Variants in VEZF1 observed in about 807,000 individuals in gnomAD.
The protein encoded by VEZF1 is putative transcription factor DB1.
In VEZF1, 5 loss-of-function variants were observed where a neutral mutation model predicts 44.1. The ratio of observed to expected loss-of-function variants is 0.11; its 90% CI spans 0.06 to 0.24. The LOEUF (loss-of-function observed/expected upper bound fraction) is 0.24. VEZF1 is among the 10% of genes least tolerant of loss of function. VEZF1 has a pLI of 1.00. For synonymous variants in VEZF1, 236 were observed against 233.1 expected (o/e 1.01, Z -0.11); for missense variants, 358 against 641.8 (o/e 0.56, Z 4.78).
chr17:57,974,989 T>C, intron 5 of VEZF1, 89 bp from the exon 6 acceptor site: 1 of 1,381,788 alleles, frequency 7.2e-7, no homozygotes, highest in Non-Finnish European at 9.8e-7. Flanking sequence ...TCATTAAAAA[T>C]GTCAAACATT....
Position 57,983,401 on chromosome 17 carries a change from C to A in VEZF1, c.34-8G>T. The stretch of plus-strand genomic sequence containing the variant: ...ATGGGAAGCTTCATGGGCCTAAAAC[C>A]AAACATTTACACTTCAGAAACTCAG... On this transcript the variant is annotated splice_region_variant and splice_polypyrimidine_tract_variant and intron_variant, in intron 1 of 5. Transcript: ENST00000581208. 1 of 1,590,002 alleles carries A rather than the reference C, an allele frequency of 6.3e-7. No homozygotes were observed. The highest frequency in any genetic ancestry group is 1.1e-5 in the South Asian group (1 of 87,856).
In VEZF1 at chr17:57,973,407, G is replaced by A. The variant is rs2075156916; in HGVS notation, c.*1066C>T. On this transcript the variant is annotated 3_prime_UTR_variant, in exon 6 of 6. Coordinates refer to ENST00000581208, the MANE Select transcript of VEZF1 (RefSeq NM_007146.3). ...ATTTAAAAAAAGATACACTCTGCAT[G>A]TTCTGAAGGGGCATACACTACCTAG... 6.5e-6 allele frequency: 1 copy of A among 152,718 alleles called. No individual in the cohort carries two copies. The highest frequency in any genetic ancestry group is 3.4e-3 in the Middle Eastern group (1 of 294). 9.5% of individuals were successfully genotyped at this position (152,718 alleles called of 1,614,324 possible).
In VEZF1 at chr17:57,983,397, A is replaced by G; in HGVS notation, c.34-4T>C. The stretch of plus-strand genomic sequence containing the variant: ...GGTGATGGGAAGCTTCATGGGCCTA[A>G]AACCAAACATTTACACTTCAGAAAC... On this transcript the variant is annotated splice_region_variant and splice_polypyrimidine_tract_variant and intron_variant, in intron 1 of 5. Coordinates refer to ENST00000581208, the MANE Select transcript of VEZF1 (RefSeq NM_007146.3). The G allele has an allele frequency of 1.3e-6, 2 of 1,594,352 alleles. No individual in the cohort carries two copies. The highest frequency in any genetic ancestry group is 1.7e-6 in the Non-Finnish European group (2 of 1,174,350).
rs1348756428 is a variant in VEZF1 at position 57,972,092 on chromosome 17, ATAG to A, written c.*2378_*2380del. ...TAAGTGAATAAAGAATGCATACAAA[ATAG>A]TATTTTAACTGAAGTCATACAATGA... On this transcript the variant is annotated 3_prime_UTR_variant, in exon 6 of 6. Transcript: ENST00000581208. 6.6e-6 allele frequency: 1 copy of A among 152,652 alleles called. No individual in the cohort carries two copies. The allele number at this position is 152,652 out of a possible 1,614,324, so 9.5% of individuals were successfully genotyped here.
chr17:57,985,134 G>T, intron 1 of VEZF1: 2 of 569,920 alleles, frequency 3.5e-6, no homozygotes, highest in Non-Finnish European at 2.6e-6. Context: ...AATTTCAAAG[G>T]CTAACAGATC....
rs1167655819 is a variant in VEZF1, at chr17:57,973,771, A to G, written c.*702T>C. 1 of 152,156 alleles carries G rather than the reference A, an allele frequency of 6.6e-6. No homozygotes were observed. Among genetic ancestry groups the G allele is most frequent in the East Asian group, 1.9e-4 (1 of 5,190 alleles). The allele number at this position is 152,156 out of a possible 1,614,324, so 9.4% of individuals were successfully genotyped here. A position where few individuals can be genotyped will look rare whatever the true frequency, so the allele number is the denominator to read the frequency against. On this transcript the variant is annotated 3_prime_UTR_variant, in exon 6 of 6. Transcript: ENST00000581208. ...TTTTTTTTTTTTTAAAAAGTCAACTACAATGCTATATTCCATCGGGATTAA... is the reference window on the plus strand; with the variant it reads ...TTTTTTTTTTTTTAAAAAGTCAACTGCAATGCTATATTCCATCGGGATTAA...
intron 5 of VEZF1, among the ~76,000 whole-genome samples, chr17:57,978,153 AG>A (rs2075210450): frequency 6.6e-6 from 1 of 152,096 alleles, no homozygotes; most frequent in Admixed American, 6.5e-5. Context: ...CAGTGAGCCG[AG>A]ATCACGCCAC....
At position 57,979,987 on chromosome 17, in the gene VEZF1, A is replaced by C. The variant is rs886623377; in HGVS notation, c.976+616T>G. On this transcript the variant is annotated intron_variant, in intron 4 of 5. Coordinates refer to ENST00000581208, the MANE Select transcript of VEZF1 (RefSeq NM_007146.3). ...CTCCGTCTCAAAAAAAAAAAAAAAA[A>C]AAAACAAAAAAAACAGAAGTGAATG... Among the ~76,000 whole-genome samples, 35 of 151,640 alleles carry C rather than the reference A, an allele frequency of 2.3e-4. 1 individual carries two copies. In the East Asian group the frequency reaches 2.9e-3, roughly 13 times the overall value.
intron 5 of VEZF1, among the ~76,000 whole-genome samples, chr17:57,977,138 T>C (rs1356254320): frequency 6.6e-6 from 1 of 152,276 alleles, no homozygotes; most frequent in Admixed American, 6.5e-5. Flanking sequence ...TTTTTTGAGA[T>C]GGGGGTCTCA....
chr17:57,982,227 G>C (rs2075255745), intron 2 of VEZF1, among the ~76,000 whole-genome samples: 1 of 152,182 alleles, frequency 6.6e-6, no homozygotes, highest in Non-Finnish European at 1.5e-5. Flanking sequence ...GCCAGAAACA[G>C]CTACCACTAT....
chr17:57,986,246 C>A (rs535421392), intron 1 of VEZF1: 1 of 152,200 alleles, frequency 6.6e-6, no homozygotes, highest in South Asian at 2.1e-4. Flanking sequence ...AAAAGTATTT[C>A]AAAAGATTTT....
At chr17:57,982,667 GAAGCAAAGCA>G (rs71143220) in intron 2 of VEZF1, 22 bp downstream of exon 2, 3 of 1,559,896 alleles carry the variant, frequency 1.9e-6, no homozygotes, top group Admixed American at 3.7e-5. Flanking sequence ...ATACCATAAT[GAAGCAAAGCA>G]AAGCAAAGCA....
chr17:57,983,093 C>T lies in VEZF1; in HGVS notation c.334G>A (p.Val112Met). ...VSRPKKTPTT[V>M]VPLISTIAGD... ...GCGATGGTAGAGATAAGGGGAACCA[C>T]CGTGGTGGGGGTTTTCTTTGGCCGG... Residue 112 changes from valine to methionine, a missense_variant, in exon 2 of 6, where the codon GTG becomes ATG. Around this residue, in one of 4 missense-constraint regions of VEZF1, gnomAD observed 117 missense variants for 207.2 expected, o/e 0.56. Transcript: ENST00000581208. The T allele has an allele frequency of 2.5e-6, 4 of 1,614,172 alleles. No homozygotes were observed. The highest frequency in any genetic ancestry group is 3.4e-6 in the Non-Finnish European group (4 of 1,180,020).
chr17:57,977,422 T>C (rs1046471184), intron 5 of VEZF1, among the ~76,000 whole-genome samples: 1 of 152,150 alleles, frequency 6.6e-6, no homozygotes, highest in African/African-American at 2.4e-5. Flanking sequence ...CCATCACACC[T>C]GGCCAAAACA....
At chr17:57,985,551 T>G (rs1391506406) in intron 1 of VEZF1, 2 of 646,770 alleles carry the variant, frequency 3.1e-6, no homozygotes, top group Non-Finnish European at 3.8e-6. Context: ...TGGGTAGGCT[T>G]TTATTTGACT....
intron 5 of VEZF1, among the ~76,000 whole-genome samples, chr17:57,977,652 C>A (rs1264977872): frequency 6.6e-6 from 1 of 152,070 alleles, no homozygotes; most frequent in Non-Finnish European, 1.5e-5. Context: ...CGAGACCAGC[C>A]TGACCAACAT....
intron 1 of VEZF1, among the ~76,000 whole-genome samples, chr17:57,984,022 G>T (rs567725452): frequency 6.6e-6 from 1 of 152,268 alleles, no homozygotes; most frequent in South Asian, 2.1e-4. Flanking sequence ...AACCTGGAAG[G>T]CATCTGTGAA....
At position 57,980,633 on chromosome 17, in the gene VEZF1, A is replaced by T; in HGVS notation, c.946T>A (p.Cys316Ser). 6.2e-7 allele frequency: 1 copy of T among 1,613,324 alleles called. No homozygotes were observed. The highest frequency in any genetic ancestry group is 8.5e-7 in the Non-Finnish European group (1 of 1,180,046). Residue 316 changes from cysteine to serine, a missense_variant, in exon 4 of 6, where the codon TGT becomes AGT. This residue lies in a region of VEZF1 where 171 missense variants were observed against 272.4 expected (regional missense o/e 0.63). Transcript: ENST00000581208. ...CTGATGCCTTGTTTACATGTATTAC[A>T]GTTGATACTTTGGCTCTGCCCATGA... is the stretch of plus-strand genomic sequence containing the variant. ...KTHGQSQSIN[C>S]NTCKQGISKT...
intron 4 of VEZF1, 100 bp from the exon 5 acceptor site, chr17:57,979,413 A>G: frequency 1.3e-6 from 2 of 1,538,454 alleles, no homozygotes; most frequent in Non-Finnish European, 1.8e-6. Context: ...TTAACCATTT[A>G]ACCTGATAGC....
Sources: allele counts gnomAD v4.1 joint callset (sites outside exome capture counted in the v4.1 genomes callset), GRCh38; gene constraint gnomAD v4.1.1; regional missense constraint gnomAD v4.1.1; transcripts MANE v1.5; gene names NCBI Gene and HGNC (gene_info 2026-07-23, HGNC 2026-07-21).